ZPLD1: variants seen among roughly 807,000 people sequenced by gnomAD.
ZPLD1 encodes zona pellucida like domain containing 1.
ZPLD1 carries 34 observed loss-of-function variants against 47.2 expected under a neutral mutation model. That is an observed-to-expected ratio of 0.72 (90% confidence interval 0.55 to 0.96). The LOEUF is 0.96. Among genes scored for constraint, ZPLD1 ranks in the 40% least tolerant of loss-of-function variants. ZPLD1 has a pLI of 0.00. For synonymous variants in ZPLD1, 176 were observed against 186.2 expected, an observed-to-expected ratio of 0.95 and a Z score of 0.45; for missense variants, 512 against 505.8, an observed-to-expected ratio of 1.01 and a Z score of -0.12.
chr3:102,407,071 C>G (rs553631812), intron 7 of ZPLD1, among the ~76,000 whole-genome samples: 5 of 151,700 alleles, frequency 3.3e-5, no homozygotes, highest in Admixed American at 6.6e-5. Context: ...AGGTGTGATT[C>G]TCCTCAAATT....
chr3:102,434,028 G>T (rs1707051281), upstream of ZPLD1, among the ~76,000 whole-genome samples: 2 of 152,136 alleles, frequency 1.3e-5, no homozygotes, highest in Non-Finnish European at 2.9e-5. Context: ...AAGTCAAAGA[G>T]AATAATGTAA....
intron 8 of ZPLD1, 45 bp downstream of exon 8, chr3:102,464,296 G>C (rs928773504): frequency 3.1e-6 from 4 of 1,304,158 alleles, no homozygotes; most frequent in Non-Finnish European, 4.4e-6. Context: ...CAATGACCCA[G>C]TTGTAGATAA....
At chr3:102,386,410 C>A (rs113825265) in intron 6 of ZPLD1, among the ~76,000 whole-genome samples, 1 of 151,322 alleles carries the variant, frequency 6.6e-6, no homozygotes, top group African/African-American at 2.4e-5. Flanking sequence ...TCTAAGAATA[C>A]ACTTAAAAGC....
intron 7 of ZPLD1, among the ~76,000 whole-genome samples, chr3:102,402,243 A>G (rs1053419768): frequency 1.3e-5 from 2 of 151,960 alleles, no homozygotes; most frequent in African/African-American, 4.8e-5. Context: ...TTCAAAGTCA[A>G]TTAGAAAAAA....
intron 10 of ZPLD1, 22 bp downstream of exon 10, chr3:102,470,524 T>A (rs1375475038): frequency 6.3e-7 from 1 of 1,597,728 alleles, no homozygotes; most frequent in Admixed American, 1.7e-5. Context: ...CCTCCTTCTG[T>A]ATGTAGTAAT....
intron 7 of ZPLD1, among the ~76,000 whole-genome samples, chr3:102,394,495 T>C (rs1706535267): frequency 6.6e-6 from 1 of 152,136 alleles, no homozygotes; most frequent in African/African-American, 2.4e-5. Context: ...AAAGTTTCAT[T>C]GACATAGATT....
intron 7 of ZPLD1, among the ~76,000 whole-genome samples, chr3:102,413,868 CA>C (rs1706773683): frequency 6.6e-6 from 1 of 151,586 alleles, no homozygotes; most frequent in South Asian, 2.1e-4. Context: ...ATATAAAATT[CA>C]TATAAAATTT....
chr3:102,427,368 C>A (rs1006496134), intron 8 of ZPLD1, among the ~76,000 whole-genome samples: 1 of 152,094 alleles, frequency 6.6e-6, no homozygotes, highest in African/African-American at 2.4e-5. Flanking sequence ...GCTGTAAGAT[C>A]TCTTGCTGAT....
intron 7 of ZPLD1, among the ~76,000 whole-genome samples, chr3:102,404,213 A>G (rs1211366305): frequency 1.3e-5 from 2 of 151,966 alleles, no homozygotes; most frequent in Non-Finnish European, 2.9e-5. Flanking sequence ...AATTTATTGC[A>G]TGCAGCATAA....
chr3:102,459,491 C>G (rs916647980), intron 6 of ZPLD1, among the ~76,000 whole-genome samples: 3 of 152,036 alleles, frequency 2.0e-5, no homozygotes, highest in Non-Finnish European at 2.9e-5. Context: ...TTATTAAGGT[C>G]TTTCTTTTAT....
At chr3:102,474,145 C>G (rs1348990007) in intron 10 of ZPLD1, among the ~76,000 whole-genome samples, 1 of 152,166 alleles carries the variant, frequency 6.6e-6, no homozygotes, top group Non-Finnish European at 1.5e-5. Context: ...AATCTTCACA[C>G]CCTCATAATG....
intron 10 of ZPLD1, among the ~76,000 whole-genome samples, chr3:102,474,924 G>T (rs1305840985): frequency 1.3e-5 from 2 of 152,004 alleles, no homozygotes; most frequent in African/African-American, 4.8e-5. Context: ...AGTGTGGTGG[G>T]ATAAAAGTCT....
At chr3:102,422,634 G>A (rs3846082) in intron 8 of ZPLD1, among the ~76,000 whole-genome samples, 3 of 152,042 alleles carry the variant, frequency 2.0e-5, no homozygotes, top group Non-Finnish European at 4.4e-5. Flanking sequence ...AAGCTGAATG[G>A]AGAGATGTCT....
At chr3:102,440,895 T>C (rs1707166749) in intron 3 of ZPLD1, among the ~76,000 whole-genome samples, 1 of 151,970 alleles carries the variant, frequency 6.6e-6, no homozygotes, top group South Asian at 2.1e-4. Flanking sequence ...AAATAAAGAA[T>C]AATTGATGAA....
Position 102,389,035 on chromosome 3 carries a change from T to A in ZPLD1, c.-212-3135T>A, listed in dbSNP as rs568903858. Among the ~76,000 whole-genome samples the A allele has an allele frequency of 7.2e-5, 11 of 152,312 alleles. No homozygotes were observed. The South Asian group carries it at 2.3e-3, about 32-fold the overall frequency. ...ACTCTTCTGGGCTGTTTCTTCTTTATCCCCACATCATCATTTTTGTTGTAC... is the reference window on the plus strand; with the variant it reads ...ACTCTTCTGGGCTGTTTCTTCTTTAACCCCACATCATCATTTTTGTTGTAC... On this transcript the variant is annotated intron_variant, in intron 6 of 17. Coordinates refer to the ZPLD1 transcript ENST00000491959.
At chr3:102,468,558 G>A (rs1193356321) in intron 8 of ZPLD1, among the ~76,000 whole-genome samples, 2 of 152,080 alleles carry the variant, frequency 1.3e-5, no homozygotes, top group Non-Finnish European at 2.9e-5. Flanking sequence ...GCTATCATTT[G>A]TTTAAGGAGG....
chr3:102,438,273 A>C (rs933151399), intron 2 of ZPLD1, among the ~76,000 whole-genome samples: 1 of 152,230 alleles, frequency 6.6e-6, no homozygotes, highest in African/African-American at 2.4e-5. Flanking sequence ...CTTAGCCAAC[A>C]GGAGGCAATG....
rs1707125252 is a variant in ZPLD1, at chr3:102,438,534, C to CG, written c.51dup (p.Ser18ValfsTer10). 2 of 1,613,768 alleles carry CG rather than the reference C, an allele frequency of 1.2e-6. No homozygotes were observed. The highest frequency in any genetic ancestry group is 8.5e-7 in the Non-Finnish European group (1 of 1,179,860). Reference sequence around the variant, plus strand: ...CTGCTTCTAACAATTAGAGTGCTTCCGGGGTCTGCTCAGTTCAACGGCTAC... The same window carrying CG: ...CTGCTTCTAACAATTAGAGTGCTTCCGGGGGTCTGCTCAGTTCAACGGCTAC... On this transcript the variant is annotated frameshift_variant, in exon 3 of 12. Transcript: ENST00000466937. LOFTEE classifies it high-confidence loss of function.
rs536213926 is a variant in ZPLD1 at position 102,457,947 on chromosome 3, A to C, written c.582+94A>C. 517 of 1,214,620 alleles carry C rather than the reference A, an allele frequency of 4.3e-4. 6 individuals are homozygous for C. In the South Asian group the frequency reaches 6.4e-3, roughly 15 times the overall value. The allele number at this position is 1,214,620 out of a possible 1,614,324, so 75.2% of individuals were successfully genotyped here. A position where few individuals can be genotyped will look rare whatever the true frequency, so the allele number is the denominator to read the frequency against. On this transcript the variant is annotated intron_variant, in intron 6 of 11. Transcript: ENST00000466937. ...TTTATATAAAAATCTACTGAAAGCC[A>C]CATTAACCCTGTTATGCCTTGGTAA...
Sources: gnomAD v4.1 joint callset for allele counts (sites outside exome capture counted in the v4.1 genomes callset) on GRCh38, gnomAD v4.1.1 for gene constraint, MANE v1.5 for transcripts, NCBI Gene and HGNC (gene_info 2026-07-23, HGNC 2026-07-21) for gene names.